Variants in ITGBL1 observed in about 807,000 individuals in gnomAD.
ITGBL1 encodes the protein integrin subunit beta like 1.
ITGBL1 carries 51 observed loss-of-function variants against 68.5 expected under a neutral mutation model. The observed-to-expected ratio is 0.74, with a 90% CI of 0.59 to 0.94. The LOEUF (loss-of-function observed/expected upper bound fraction) is 0.94, where lower values mean the gene tolerates loss of function less well. ITGBL1 is among the 40% of genes least tolerant of loss of function. The pLI, the probability that ITGBL1 is intolerant of heterozygous loss-of-function variation, is 0.00. For synonymous variants in ITGBL1, 209 were observed against 227.3 expected (o/e 0.92, Z 0.72); for missense variants, 649 against 647.4 (o/e 1.00, Z -0.03).
intron 6 of ITGBL1, among the ~76,000 whole-genome samples, chr13:101,585,312 T>C (rs1441008973): frequency 1.3e-5 from 2 of 152,162 alleles, no homozygotes; most frequent in African/African-American, 4.8e-5. Context: ...AAAGTTTATA[T>C]TTTTTCCCAG....
At chr13:101,593,058 C>T (rs2050682512) in intron 6 of ITGBL1, among the ~76,000 whole-genome samples, 3 of 151,796 alleles carry the variant, frequency 2.0e-5, no homozygotes, top group Admixed American at 2.0e-4. Context: ...GGGAACTTAA[C>T]AGCAAGAAAA....
intron 2 of ITGBL1, among the ~76,000 whole-genome samples, chr13:101,543,882 G>A (rs1038720017): frequency 4.6e-5 from 7 of 152,108 alleles, no homozygotes; most frequent in East Asian, 3.9e-4. Flanking sequence ...CGTAGTTCTC[G>A]TGCCTTGGTT....
chr13:101,509,019 A>G (rs934099353), intron 2 of ITGBL1, among the ~76,000 whole-genome samples: 3 of 152,180 alleles, frequency 2.0e-5, no homozygotes, highest in Non-Finnish European at 2.9e-5. Flanking sequence ...AAGCTTTCAT[A>G]TCTGTCATAT....
intron 2 of ITGBL1, among the ~76,000 whole-genome samples, chr13:101,524,472 A>G (rs1311958901): frequency 6.6e-6 from 1 of 152,072 alleles, no homozygotes; most frequent in African/African-American, 2.4e-5. Context: ...CTGTGAAAAA[A>G]ATGAATACAC....
intron 2 of ITGBL1, among the ~76,000 whole-genome samples, chr13:101,520,593 C>A (rs1329813045): frequency 1.3e-5 from 2 of 152,164 alleles, no homozygotes; most frequent in East Asian, 3.9e-4. Context: ...CAATCATGTT[C>A]TTTTAAAGGA....
At chr13:101,566,541 A>G (rs1266105857) in intron 2 of ITGBL1, among the ~76,000 whole-genome samples, 3 of 152,194 alleles carry the variant, frequency 2.0e-5, no homozygotes, top group Admixed American at 6.6e-5. Flanking sequence ...GAACATTTAC[A>G]TGGACTGGTC....
In ITGBL1 at chr13:101,622,911, ATGTATG is replaced by A. The variant is rs1435993849; in HGVS notation, c.1015+24616_1015+24621del. ...TGAGGCTGGGATGTGTGTGTGGGGT[ATGTATG>A]TGTGTGTGTGTGTGTGTGTGTGTGT... is the stretch of plus-strand genomic sequence containing the variant. On this transcript the variant is annotated intron_variant, in intron 7 of 10. Coordinates refer to ENST00000376180, the MANE Select transcript of ITGBL1 (RefSeq NM_004791.3). Among the ~76,000 whole-genome samples the A allele has an allele frequency of 2.2e-4, 25 of 115,044 alleles. 1 individual carries two copies. In the South Asian group the frequency reaches 6.4e-3, roughly 29 times the overall value. The allele number at this position is 115,044 out of a possible 152,430, so 75.5% of individuals were successfully genotyped here. A position where few individuals can be genotyped will look rare whatever the true frequency, so the allele number is the denominator to read the frequency against.
chr13:101,614,870 C>T (rs910503974), intron 7 of ITGBL1, among the ~76,000 whole-genome samples: 15 of 152,152 alleles, frequency 9.9e-5, no homozygotes, highest in African/African-American at 2.9e-4. Context: ...TTGAAGAGCC[C>T]GATTTTGAAA....
rs562451246 is a variant in ITGBL1 at position 101,580,090 on chromosome 13, C to T, written c.727+663C>T. ...ATAGTTTTAAAATTCCTTGAAAATACTTAATTTTCCCTTTGCTGTAGTGAT... is the reference window on the plus strand; with the variant it reads ...ATAGTTTTAAAATTCCTTGAAAATATTTAATTTTCCCTTTGCTGTAGTGAT... On this transcript the variant is annotated intron_variant, in intron 5 of 10. Coordinates refer to ENST00000376180, the MANE Select transcript of ITGBL1 (RefSeq NM_004791.3). Among the ~76,000 whole-genome samples, 51 of 152,166 alleles carry T rather than the reference C, an allele frequency of 3.4e-4. 1 individual carries two copies. In the South Asian group the frequency reaches 9.1e-3, roughly 27 times the overall value.
intron 2 of ITGBL1, among the ~76,000 whole-genome samples, chr13:101,455,326 C>A (rs1165731417): frequency 6.6e-6 from 1 of 152,168 alleles, no homozygotes; most frequent in Non-Finnish European, 1.5e-5. Flanking sequence ...GGCGCAGGTG[C>A]ATCTACTTGA....
intron 2 of ITGBL1, among the ~76,000 whole-genome samples, chr13:101,483,908 A>G (rs1204074273): frequency 6.6e-6 from 1 of 152,178 alleles, no homozygotes; most frequent in Non-Finnish European, 1.5e-5. Flanking sequence ...GCTTAGCCTT[A>G]ATCAGAAATC....
intron 2 of ITGBL1, among the ~76,000 whole-genome samples, chr13:101,538,410 G>C (rs545305254): frequency 3.3e-5 from 5 of 152,022 alleles, no homozygotes; most frequent in Admixed American, 6.6e-5. Context: ...GGTTAAGAAG[G>C]CTTTCAAATA....
At position 101,714,520 on chromosome 13, in the gene ITGBL1, C is replaced by G; in HGVS notation, c.1362C>G (p.Asp454Glu). The change falls in exon 10 of 11, where the codon GAC becomes GAG. Residue 454 changes from aspartate (D) to glutamate (E), a missense_variant. Coordinates refer to ENST00000376180, the MANE Select transcript of ITGBL1 (RefSeq NM_004791.3). ...AGTTCTGTGACTGTGATGACAGAGACTGCGACAAACATGATGGTCTCATTT... is the reference window on the plus strand; with the variant it reads ...AGTTCTGTGACTGTGATGACAGAGAGTGCGACAAACATGATGGTCTCATTT... ...SGEFCDCDDR[D>E]CDKHDGLICT... 1 of 1,608,980 alleles carries G rather than the reference C, an allele frequency of 6.2e-7. No individual in the cohort carries two copies. Among genetic ancestry groups the G allele is most frequent in the Non-Finnish European group, 8.5e-7 (1 of 1,175,378 alleles).
At chr13:101,594,084 T>C (rs2050702630) in intron 6 of ITGBL1, among the ~76,000 whole-genome samples, 1 of 152,034 alleles carries the variant, frequency 6.6e-6, no homozygotes, top group Admixed American at 6.6e-5. Context: ...AACAAAAAAA[T>C]CTTAAAATTC....
At chr13:101,715,360 C>T in intron 10 of ITGBL1, 1 of 557,902 alleles carries the variant, frequency 1.8e-6, no homozygotes, top group Non-Finnish European at 3.2e-6. Context: ...AGGGTGGCAC[C>T]AAATAAATGC....
chr13:101,486,862 G>T (rs2048709218), intron 2 of ITGBL1, among the ~76,000 whole-genome samples: 1 of 151,790 alleles, frequency 6.6e-6, no homozygotes, highest in African/African-American at 2.4e-5. Context: ...TATTTTATTT[G>T]GTTTAATTTC....
chr13:101,471,512 G>A (rs1170120449), intron 2 of ITGBL1, among the ~76,000 whole-genome samples: 7 of 114,716 alleles, frequency 6.1e-5, no homozygotes, highest in Admixed American at 2.0e-4. Context: ...AAATATATAT[G>A]TGTGTGTGTG....
At chr13:101,522,129 C>G (rs2049296211) in intron 2 of ITGBL1, among the ~76,000 whole-genome samples, 1 of 152,024 alleles carries the variant, frequency 6.6e-6, no homozygotes, top group Non-Finnish European at 1.5e-5. Context: ...GATCAGGGCC[C>G]CATCCTTATG....
chr13:101,487,526 G>A (rs753171708), intron 2 of ITGBL1, among the ~76,000 whole-genome samples: 7 of 152,316 alleles, frequency 4.6e-5, no homozygotes, highest in Middle Eastern at 3.4e-3. Context: ...TCAATGTGAT[G>A]TTTAGTTCAA....
Sources: gnomAD v4.1 joint callset for allele counts (sites outside exome capture counted in the v4.1 genomes callset) on GRCh38, gnomAD v4.1.1 for gene constraint, MANE v1.5 for transcripts, NCBI Gene and HGNC (gene_info 2026-07-23, HGNC 2026-07-21) for gene names.